TNPO1: variants seen among roughly 807,000 people sequenced by gnomAD.
The protein encoded by TNPO1 is transportin-1.
In TNPO1, 8 loss-of-function variants were observed where a neutral mutation model predicts 119.5. The ratio of observed to expected loss-of-function variants is 0.07; its 90% CI spans 0.04 to 0.12. TNPO1 has a LOEUF of 0.12. Ranked by LOEUF, TNPO1 falls within the 10% of genes least tolerant of loss-of-function variation. TNPO1 has a pLI of 1.00. For synonymous variants in TNPO1, 362 were observed against 363.0 expected, an observed-to-expected ratio of 1.00 and a Z score of 0.03; for missense variants, 576 against 1,089.8, an observed-to-expected ratio of 0.53 and a Z score of 6.64.
intron 1 of TNPO1, among the ~76,000 whole-genome samples, chr5:72,823,117 C>T (rs926322969): frequency 6.6e-6 from 1 of 152,080 alleles, no homozygotes; most frequent in Non-Finnish European, 1.5e-5. Context: ...AAACCGGACT[C>T]TCTTCCACTG....
At chr5:72,854,127 T>C (rs1745803635) in intron 3 of TNPO1, among the ~76,000 whole-genome samples, 1 of 152,272 alleles carries the variant, frequency 6.6e-6, no homozygotes, top group African/African-American at 2.4e-5. Flanking sequence ...TAACAGGTAA[T>C]TTAAGGCAAG....
chr5:72,834,196 T>C (rs1744594620), intron 1 of TNPO1, among the ~76,000 whole-genome samples: 1 of 152,206 alleles, frequency 6.6e-6, no homozygotes, highest in African/African-American at 2.4e-5. Flanking sequence ...GCACATATGA[T>C]TATGCACAAT....
intron 15 of TNPO1, among the ~76,000 whole-genome samples, 155 bp from the exon 16 acceptor site, chr5:72,892,984 G>C (rs1465604646): frequency 7.6e-6 from 1 of 131,860 alleles, no homozygotes; most frequent in Non-Finnish European, 1.6e-5. Context: ...GCTTCCAAAA[G>C]AGAGGGTTGG....
In TNPO1 at chr5:72,911,330, T is replaced by A. The variant is rs1454792125; in HGVS notation, c.*2657T>A. ...TTGTAGTCACTTGACTTTTTTTTTT[T>A]ATTTAAATGAAATTTAATTTGAAAA... is the stretch of plus-strand genomic sequence containing the variant. On this transcript the variant is annotated 3_prime_UTR_variant, in exon 25 of 25. Transcript: ENST00000337273. 6.6e-6 allele frequency: 1 copy of A among 152,314 alleles called. No homozygotes were observed. The highest frequency in any genetic ancestry group is 1.5e-5 in the Non-Finnish European group (1 of 67,928). The allele number at this position is 152,314 out of a possible 1,614,324, so 9.4% of individuals were successfully genotyped here.
intron 5 of TNPO1, among the ~76,000 whole-genome samples, chr5:72,863,016 G>T (rs201937012): frequency 6.7e-6 from 1 of 148,658 alleles, no homozygotes; most frequent in East Asian, 2.6e-4. Flanking sequence ...GTGTGTGTGT[G>T]TGTGTGTGTG....
At position 72,911,456 on chromosome 5, in the gene TNPO1, A is replaced by G. The variant is rs551306761; in HGVS notation, c.*2783A>G. 1.3e-5 allele frequency: 2 copies of G among 152,478 alleles called. No homozygotes were observed. The highest frequency in any genetic ancestry group is 1.3e-4 in the Admixed American group (2 of 15,264). 9.4% of individuals were successfully genotyped at this position (152,478 alleles called of 1,614,324 possible). ...AGGTTATTGTTTCTTCCTAATTTAT[A>G]TTTCAGATACATAGTGTAGAACAGG... is the stretch of plus-strand genomic sequence containing the variant. On this transcript the variant is annotated 3_prime_UTR_variant, in exon 25 of 25. Transcript: ENST00000337273.
rs185386945 is a variant in TNPO1 at position 72,897,634 on chromosome 5, A to T, written c.2338+483A>T. Among the ~76,000 whole-genome samples the T allele has an allele frequency of 1.5e-3, 212 of 140,178 alleles. 4 individuals carry two copies. The East Asian group carries it at 0.037, about 25-fold the overall frequency. 92.0% of individuals were successfully genotyped at this position (140,178 alleles called of 152,430 possible). Reference sequence around the variant, plus strand: ...TGTTATGGGATTTTTTTTTTAATTTATTTTTTTTTTTTTAGGAAGCTTGTT... The same window carrying T: ...TGTTATGGGATTTTTTTTTTAATTTTTTTTTTTTTTTTTAGGAAGCTTGTT... On this transcript the variant is annotated intron_variant, in intron 20 of 24. Coordinates refer to ENST00000337273, the MANE Select transcript of TNPO1 (RefSeq NM_002270.4).
intron 1 of TNPO1, among the ~76,000 whole-genome samples, chr5:72,832,612 G>A (rs541312391): frequency 2.0e-5 from 3 of 152,274 alleles, no homozygotes; most frequent in South Asian, 2.1e-4. Flanking sequence ...CTGAAAGCTA[G>A]CATCATAGTG....
intron 7 of TNPO1, among the ~76,000 whole-genome samples, chr5:72,874,156 A>G (rs1747603998): frequency 6.6e-6 from 1 of 152,164 alleles, no homozygotes; most frequent in Non-Finnish European, 1.5e-5. Context: ...TTTGTTTACT[A>G]CTTGATAGTC....
chr5:72,869,554 TAAATA>T (rs1234718503), intron 6 of TNPO1, among the ~76,000 whole-genome samples: 1 of 151,860 alleles, frequency 6.6e-6, no homozygotes, highest in African/African-American at 2.4e-5. Context: ...CTCAAAAAAA[TAAATA>T]AAGACAGTTT....
chr5:72,827,402 G>T (rs1212314500), intron 1 of TNPO1, among the ~76,000 whole-genome samples: 1 of 152,144 alleles, frequency 6.6e-6, no homozygotes, highest in African/African-American at 2.4e-5. Flanking sequence ...CATTTTTGCT[G>T]CTTTGTCTCA....
intron 23 of TNPO1, among the ~76,000 whole-genome samples, chr5:72,904,278 C>T (rs1398118742): frequency 1.3e-5 from 2 of 152,156 alleles, no homozygotes; most frequent in Non-Finnish European, 2.9e-5. Context: ...GAACTCAAAG[C>T]TTGTGTATTT....
chr5:72,824,452 T>C (rs1395061691), intron 1 of TNPO1, among the ~76,000 whole-genome samples: 1 of 152,222 alleles, frequency 6.6e-6, no homozygotes, highest in Admixed American at 6.5e-5. Context: ...ACAGCTCCTC[T>C]GGTTCTTCAG....
intron 1 of TNPO1, among the ~76,000 whole-genome samples, chr5:72,826,137 C>T (rs62361857): frequency 0.17 from 26,328 of 151,986 alleles, 2,502 homozygotes; most frequent in African/African-American, 0.24. Context: ...ACCTCCCAGT[C>T]TTTGCTCAGA....
At chr5:72,900,124 CTCTT>C (rs775591329) in intron 21 of TNPO1, 43 bp downstream of exon 21, 27 of 1,479,294 alleles carry the variant, frequency 1.8e-5, no homozygotes, top group Middle Eastern at 2.1e-4. Flanking sequence ...TTTTTCTTCA[CTCTT>C]TCTTTCTCTA....
intron 12 of TNPO1, 130 bp from the exon 13 acceptor site, chr5:72,887,948 G>C (rs1347463313): frequency 1.1e-5 from 9 of 836,182 alleles, no homozygotes; most frequent in African/African-American, 3.5e-5. Context: ...TTTTGGTATA[G>C]GTTATTGTAG....
intron 4 of TNPO1, among the ~76,000 whole-genome samples, chr5:72,861,067 A>C (rs924106539): frequency 6.6e-6 from 1 of 151,858 alleles, no homozygotes; most frequent in African/African-American, 2.4e-5. Context: ...CATGCACCAC[A>C]TGCCCGGCTA....
intron 8 of TNPO1, 110 bp from the exon 9 acceptor site, chr5:72,877,113 AAAAAT>A: frequency 3.9e-6 from 2 of 516,062 alleles, no homozygotes; most frequent in Non-Finnish European, 6.7e-6. Context: ...AAAAAAAAAA[AAAAAT>A]TGCCTAGGTT....
chr5:72,904,975 C>T (rs1247221964), intron 23 of TNPO1, among the ~76,000 whole-genome samples: 1 of 152,138 alleles, frequency 6.6e-6, no homozygotes, highest in African/African-American at 2.4e-5. Flanking sequence ...ACGGGTTTCC[C>T]CTTATCAAAC....
Sources: allele counts gnomAD v4.1 joint callset (sites outside exome capture counted in the v4.1 genomes callset), GRCh38; gene constraint gnomAD v4.1.1; transcripts MANE v1.5; gene names NCBI Gene and HGNC (gene_info 2026-07-23, HGNC 2026-07-21).